The following EBF2 variants were observed in gnomAD, a reference collection of about 807,000 sequenced individuals.
The protein encoded by EBF2 is EBF transcription factor 2, also known as transcription factor COE2.
Under a neutral mutation model 72.8 loss-of-function variants are expected in EBF2, and 21 were observed. The ratio of observed to expected loss-of-function variants is 0.29; its 90% CI spans 0.20 to 0.42. EBF2 has a LOEUF of 0.42. Among genes scored for constraint, EBF2 ranks in the 10% least tolerant of loss-of-function variants. EBF2 has a pLI of 1.00. For missense variants in EBF2, 637 were observed against 731.2 expected (o/e 0.87, Z 1.49); for synonymous variants, 299 against 274.2 (o/e 1.09, Z -0.89).
At chr8:25,970,923 C>G (rs1317602106) in intron 6 of EBF2, among the ~76,000 whole-genome samples, 1 of 152,172 alleles carries the variant, frequency 6.6e-6, no homozygotes, top group Non-Finnish European at 1.5e-5. Flanking sequence ...GCTTTAAACT[C>G]CTGGGCTCAA....
In EBF2 at chr8:25,886,899, A is replaced by C; in HGVS notation, c.883-18T>G. The C allele has an allele frequency of 1.2e-6, 2 of 1,610,118 alleles. No homozygotes were observed. Among genetic ancestry groups the C allele is most frequent in the Non-Finnish European group, 1.7e-6 (2 of 1,178,282 alleles). On this transcript the variant is annotated intron_variant, in intron 9 of 15. Transcript: ENST00000520164. The stretch of plus-strand genomic sequence containing the variant: ...GTTATTAGCTGAGGAATGAACAGGC[A>C]GGGAAATAAAATACCCATTAGACAA...
At chr8:25,929,142 G>A (rs1456605936) in intron 6 of EBF2, among the ~76,000 whole-genome samples, 1 of 152,178 alleles carries the variant, frequency 6.6e-6, no homozygotes, top group Non-Finnish European at 1.5e-5. Context: ...GCAGTGATCT[G>A]CTCATGTTGA....
intron 6 of EBF2, among the ~76,000 whole-genome samples, chr8:25,917,306 A>G (rs868472862): frequency 7.9e-5 from 12 of 152,090 alleles, no homozygotes; most frequent in Middle Eastern, 3.4e-3. Flanking sequence ...TCTGAGGAAA[A>G]GTCCTTGTTT....
intron 5 of EBF2, among the ~76,000 whole-genome samples, chr8:26,034,625 G>GCTGC (rs1332861972): frequency 6.6e-6 from 1 of 152,208 alleles, no homozygotes; most frequent in Non-Finnish European, 1.5e-5. Context: ...GAGCCCATCT[G>GCTGC]CTGCCTATCA....
chr8:25,893,009 C>T (rs754129292), intron 7 of EBF2, among the ~76,000 whole-genome samples: 2 of 152,156 alleles, frequency 1.3e-5, no homozygotes, highest in Non-Finnish European at 2.9e-5. Flanking sequence ...TAAGTGCTCA[C>T]GTTCTTATCA....
chr8:25,869,822 C>G (rs954843487), intron 10 of EBF2, among the ~76,000 whole-genome samples: 1 of 152,162 alleles, frequency 6.6e-6, no homozygotes. Flanking sequence ...GGGCACTCTG[C>G]TAAGCCTTTT....
Position 26,044,870 on chromosome 8 carries a change from T to C in EBF2, c.-11A>G. Reference sequence around the variant, plus strand: ...TTGAATTCCAAACATTTAAAAAGTCTGATCCTCTACTGTCGCTTTAAAAGT... The same window carrying C: ...TTGAATTCCAAACATTTAAAAAGTCCGATCCTCTACTGTCGCTTTAAAAGT... On this transcript the variant is annotated 5_prime_UTR_variant, in exon 1 of 16. Transcript: ENST00000520164. This position sits in a 1 kb window ranked among gnomAD's most constrained non-coding sequence, Gnocchi z 4.1. 6.2e-7 allele frequency: 1 copy of C among 1,613,904 alleles called. No individual in the cohort carries two copies. Among genetic ancestry groups the C allele is most frequent in the Non-Finnish European group, 8.5e-7 (1 of 1,179,902 alleles).
At chr8:25,968,289 T>G (rs973862051) in intron 6 of EBF2, among the ~76,000 whole-genome samples, 4 of 152,054 alleles carry the variant, frequency 2.6e-5, no homozygotes, top group Non-Finnish European at 5.9e-5. Context: ...ACCTGAAGTG[T>G]CCATCAACAG....
chr8:25,984,163 G>A (rs1419485663), intron 6 of EBF2, among the ~76,000 whole-genome samples: 1 of 152,148 alleles, frequency 6.6e-6, no homozygotes, highest in Non-Finnish European at 1.5e-5. Context: ...ATGCGAAACC[G>A]AGAAGGAGCT....
intron 10 of EBF2, among the ~76,000 whole-genome samples, chr8:25,885,489 G>A (rs1210148058): frequency 6.6e-6 from 1 of 152,122 alleles, no homozygotes; most frequent in African/African-American, 2.4e-5. Flanking sequence ...AGGTTTTTAA[G>A]CTGTTTTATG....
intron 5 of EBF2, 89 bp downstream of exon 5, chr8:26,039,939 G>A: frequency 1.4e-6 from 2 of 1,452,424 alleles, no homozygotes; most frequent in East Asian, 4.6e-5. Context: ...GCTCAGTCCT[G>A]AAAGTTAGTC....
At chr8:25,978,913 G>A (rs538192481) in intron 6 of EBF2, among the ~76,000 whole-genome samples, 13 of 152,296 alleles carry the variant, frequency 8.5e-5, no homozygotes, top group African/African-American at 2.2e-4. Flanking sequence ...TGGGCGGGGG[G>A]CGGAGTGGTG....
At chr8:25,856,940 C>T (rs1802106530) in intron 14 of EBF2, among the ~76,000 whole-genome samples, 1 of 152,098 alleles carries the variant, frequency 6.6e-6, no homozygotes, top group African/African-American at 2.4e-5. Flanking sequence ...TTTCCTGAAC[C>T]ATATTTGTTT....
chr8:25,973,732 G>C (rs762758054), intron 6 of EBF2, among the ~76,000 whole-genome samples: 4 of 152,104 alleles, frequency 2.6e-5, no homozygotes, highest in Non-Finnish European at 4.4e-5. Context: ...GTGGAATGCA[G>C]TGACAGGATC....
chr8:25,938,265 C>T (rs1803612330), intron 6 of EBF2, among the ~76,000 whole-genome samples: 1 of 151,190 alleles, frequency 6.6e-6, no homozygotes, highest in Non-Finnish European at 1.5e-5. Context: ...TTCCCTAATT[C>T]CCTAAAATGT....
At chr8:26,041,975 C>A in intron 2 of EBF2, 120 bp downstream of exon 2, 3 of 1,433,044 alleles carry the variant, frequency 2.1e-6, no homozygotes, top group Non-Finnish European at 2.9e-6. Context: ...TGAGTAGCCT[C>A]GATTTATCAT....
intron 13 of EBF2, 130 bp from the exon 14 acceptor site, chr8:25,858,634 G>T: frequency 8.6e-6 from 4 of 467,512 alleles, no homozygotes; most frequent in Non-Finnish European, 1.1e-5. Flanking sequence ...TGTAGGAAGT[G>T]TGCAGTCCAT....
chr8:25,852,744 G>A (rs934670650), intron 14 of EBF2, among the ~76,000 whole-genome samples: 1 of 152,146 alleles, frequency 6.6e-6, no homozygotes, highest in Non-Finnish European at 1.5e-5. Flanking sequence ...ATGCCAAAAT[G>A]CATTCAACTG....
At chr8:25,945,097 G>T (rs115624199) in intron 6 of EBF2, among the ~76,000 whole-genome samples, 1 of 72,170 alleles carries the variant, frequency 1.4e-5, no homozygotes, top group South Asian at 4.5e-4. Flanking sequence ...TGCCCCCCCC[G>T]CCCCACCCCA....
Sources: gnomAD v4.1 joint callset for allele counts (sites outside exome capture counted in the v4.1 genomes callset) on GRCh38, gnomAD v4.1.1 for gene constraint, Gnocchi (gnomAD v3.1) non-coding constraint, MANE v1.5 for transcripts, NCBI Gene and HGNC (gene_info 2026-07-23, HGNC 2026-07-21) for gene names.